Variants in SPTBN5 observed in about 807,000 individuals in gnomAD.
SPTBN5 encodes the protein spectrin beta, non-erythrocytic 5.
A neutral mutation model predicts 477.6 loss-of-function variants in SPTBN5; 513 were observed. The ratio of observed to expected loss-of-function variants is 1.07; its 90% CI spans 1.00 to 1.16. The LOEUF (loss-of-function observed/expected upper bound fraction) is 1.16, where lower values mean the gene tolerates loss of function less well. Ranked by LOEUF, SPTBN5 falls within the 50% of genes most tolerant of loss-of-function variation. The pLI is 0.00. For missense variants in SPTBN5, 5,062 were observed against 4,731.8 expected (o/e 1.07, Z -2.05); for synonymous variants, 2,169 against 2,011.7 (o/e 1.08, Z -2.09).
Position 41,862,620 on chromosome 15 carries a change from G to A in SPTBN5, c.7304C>T (p.Pro2435Leu). 1 of 1,557,406 alleles carries A rather than the reference G, an allele frequency of 6.4e-7. No individual in the cohort carries two copies. Residue 2435 changes from proline to leucine, a missense_variant, in exon 43 of 68, where the codon CCC becomes CTC. Physicochemically the swap from Pro to Leu is moderately conservative, Grantham distance 98. Transcript: ENST00000320955. ...GTGCCTGAGGCCGTGGGCTGCCTCG[G>A]GGCTTCTTTGGCAGAGGCGGCCCAC... ...REVGRLCQRS[P>L]EAAHGLRHRQ...
In SPTBN5 at chr15:41,862,856, C is replaced by A. The variant is rs1208015727; in HGVS notation, c.7197G>T (p.Val2399=). 1.3e-6 allele frequency: 2 copies of A among 1,590,848 alleles called. No homozygotes were observed. Among genetic ancestry groups the A allele is most frequent in the East Asian group, 2.3e-5 (1 of 43,702 alleles). ...ALDCGKDLES[V]QRLLRKHEEL... ...CCTCGTGTTTCCGCAGCAGCCTCTGCACGCTCTCCAGATCTTTCCCACAGT... is the reference window on the plus strand; with the variant it reads ...CCTCGTGTTTCCGCAGCAGCCTCTGAACGCTCTCCAGATCTTTCCCACAGT... The change falls in exon 42 of 68, where the codon GTG becomes GTT. Residue 2399 remains valine (V), a synonymous_variant. Transcript: ENST00000320955.
intron 47 of SPTBN5, among the ~76,000 whole-genome samples, chr15:41,860,097 A>G (rs1167727515): frequency 6.6e-6 from 1 of 152,176 alleles, no homozygotes; most frequent in African/African-American, 2.4e-5. Context: ...AGTTAGATGA[A>G]CTAAGACTTC....
At position 41,858,939 on chromosome 15, in the gene SPTBN5, C is replaced by A. The variant is rs570301480; in HGVS notation, c.8030G>T (p.Arg2677Leu). The A allele has an allele frequency of 1.3e-6, 2 of 1,594,246 alleles. No homozygotes were observed. The highest frequency in any genetic ancestry group is 2.3e-5 in the East Asian group (1 of 44,412). Residue 2677 changes from arginine to leucine, a missense_variant, in exon 48 of 68, where the codon CGC becomes CTC. By Grantham distance (102) the Arg-to-Leu change is moderately radical. Transcript: ENST00000320955. ...LFRQAGTRRHRLEELRQLQAF... is the reference protein window; with the variant it reads ...LFRQAGTRRHLLEELRQLQAF... ...CTGCAGCTGCCGGAGCTCCTCCAGG[C>A]GATGGCGGCGGGTCCCGGCTTGCCT...
chr15:41,854,766 G>C lies in SPTBN5; in HGVS notation c.9618+16C>G. 6.7e-7 allele frequency: 1 copy of C among 1,496,980 alleles called. No homozygotes were observed. The highest frequency in any genetic ancestry group is 8.9e-7 in the Non-Finnish European group (1 of 1,120,636). 92.7% of individuals were successfully genotyped at this position (1,496,980 alleles called of 1,614,324 possible). ...CTCTGACACCCCTTAGCTTGGCCCG[G>C]CCTGTGATCACCTACCTCTGTGCGG... is the stretch of plus-strand genomic sequence containing the variant. On this transcript the variant is annotated intron_variant, in intron 56 of 67. Transcript: ENST00000320955.
Position 41,876,643 on chromosome 15 carries a change from T to C in SPTBN5, c.3856A>G (p.Arg1286Gly). Residue 1286 changes from arginine (R) to glycine (G), a missense_variant, in exon 20 of 68, where the codon AGA becomes GGA. Arg to Gly is a moderately radical substitution (Grantham distance 125). Transcript: ENST00000320955. ...GCCTGGATACTCTGCAGCTGCTCTC[T>C]GACCCTGGAGGGCGGGGGGGGGTTG... ...QSQHPAAHTVREQLQSIQAQW... is the reference protein window; with the variant it reads ...QSQHPAAHTVGEQLQSIQAQW... 2 of 958,748 alleles carry C rather than the reference T, an allele frequency of 2.1e-6. No homozygotes were observed. Among genetic ancestry groups the C allele is most frequent in the Non-Finnish European group, 1.5e-6 (1 of 659,174 alleles). The allele number at this position is 958,748 out of a possible 1,614,324, so 59.4% of individuals were successfully genotyped here. A position where few individuals can be genotyped will look rare whatever the true frequency, so the allele number is the denominator to read the frequency against.
chr15:41,871,415 T>C lies in SPTBN5; in HGVS notation c.5407A>G (p.Ser1803Gly). 2.0e-6 allele frequency: 3 copies of C among 1,537,870 alleles called. No individual in the cohort carries two copies. Among genetic ancestry groups the C allele is most frequent in the Non-Finnish European group, 2.6e-6 (3 of 1,140,804 alleles). The change falls in exon 29 of 68, where the codon AGT becomes GGT. Residue 1803 changes from serine to glycine, a missense_variant. Ser to Gly is a moderately conservative substitution (Grantham distance 56, BLOSUM62 0). Transcript: ENST00000320955. ...CTCTGACGGACCATGGGGCCAGCAC[T>C]GTGCCCACGCTCTAGCAGGCTCTCC... ...LAESLLERGHSAGPMVRQRQQ... is the reference protein window; with the variant it reads ...LAESLLERGHGAGPMVRQRQQ...
Position 41,850,916 on chromosome 15 carries a change from AGGATCTCT to A in SPTBN5, c.10851_10858del (p.Glu3618ValfsTer10). The A allele has an allele frequency of 3.7e-6, 6 of 1,602,236 alleles. No homozygotes were observed. Among genetic ancestry groups the A allele is most frequent in the Non-Finnish European group, 5.1e-6 (6 of 1,175,900 alleles). ...CTGCTCTTCGGACGGTGCTGCAAAC[AGGATCTCT>A]GCCCCACTGGTCAGCCTGGCACCCA... On this transcript the variant is annotated frameshift_variant, in exon 66 of 68. Coordinates refer to ENST00000320955, the MANE Select transcript of SPTBN5 (RefSeq NM_016642.4). LOFTEE classifies it high-confidence loss of function.
At chr15:41,884,075 T>A (rs1436465399) in intron 7 of SPTBN5, among the ~76,000 whole-genome samples, 1 of 152,206 alleles carries the variant, frequency 6.6e-6, no homozygotes, top group African/African-American at 2.4e-5. Flanking sequence ...CAGCTCCGCC[T>A]CCCAGGTTCA....
At position 41,852,633 on chromosome 15, in the gene SPTBN5, C is replaced by T; in HGVS notation, c.10449+1G>A. On this transcript the variant is annotated splice_donor_variant, in intron 61 of 67. Transcript: ENST00000320955. LOFTEE classifies it high-confidence loss of function. ...CAGCCCCTAGCCGAGGCAGTCGTCA[C>T]CTCTGTCTTTTGCATTTGGGCAAAC... The T allele has an allele frequency of 6.2e-7, 1 of 1,613,452 alleles. No homozygotes were observed. Among genetic ancestry groups the T allele is most frequent in the Non-Finnish European group, 8.5e-7 (1 of 1,179,850 alleles).
chr15:41,873,572 C>T lies in SPTBN5; in HGVS notation c.4927G>A (p.Glu1643Lys), dbSNP rs1398437300. 5 of 1,552,276 alleles carry T rather than the reference C, an allele frequency of 3.2e-6. No individual in the cohort carries two copies. Among genetic ancestry groups the T allele is most frequent in the Non-Finnish European group, 4.4e-6 (5 of 1,147,328 alleles). ...CTGCTCACCAGCGGCCGCTTCTCCTCCACCCAGCCCTCCAGCTCTGACACA... is the reference window on the plus strand; with the variant it reads ...CTGCTCACCAGCGGCCGCTTCTCCTTCACCCAGCCCTCCAGCTCTGACACA... ...LDVSELEGWV[E>K]EKRPLVSSRD... is the part of the protein sequence containing the mutation. Residue 1643 changes from glutamate to lysine, a missense_variant, in exon 26 of 68, where the codon GAG (glutamate) becomes AAG (lysine). Glu to Lys is a moderately conservative substitution (Grantham distance 56, BLOSUM62 1). Coordinates refer to ENST00000320955, the MANE Select transcript of SPTBN5 (RefSeq NM_016642.4).
Position 41,853,667 on chromosome 15 carries a change from G to C in SPTBN5, c.9895C>G (p.Leu3299Val), listed in dbSNP as rs574669192. The change falls in exon 58 of 68, where the codon CTG becomes GTG. Residue 3299 changes from leucine to valine, a missense_variant. Coordinates refer to ENST00000320955, the MANE Select transcript of SPTBN5 (RefSeq NM_016642.4). Reference sequence around the variant, plus strand: ...CCTCGCTCCTGGGCCTTCGCCTGCAGGGTGGCCCAGGCCTCCTGCACCTTG... The same window carrying C: ...CCTCGCTCCTGGGCCTTCGCCTGCACGGTGGCCCAGGCCTCCTGCACCTTG... ...LAKVQEAWAT[L>V]QAKAQERGQW... 7 of 1,600,074 alleles carry C rather than the reference G, an allele frequency of 4.4e-6. No homozygotes were observed. In the South Asian group the frequency reaches 7.8e-5, roughly 18 times the overall value.
rs1329033108 is a variant in SPTBN5 at position 41,871,900 on chromosome 15, C to T, written c.5183G>A (p.Gly1728Glu). The change falls in exon 28 of 68, where the codon GGG (glycine) becomes GAG (glutamate). Residue 1728 changes from glycine (G) to glutamate (E), a missense_variant. Physicochemically the swap from Gly to Glu is moderately conservative, Grantham distance 98 (BLOSUM62 -2). Transcript: ENST00000320955. Reference sequence around the variant, plus strand: ...CAGGAACTCATGCAGCCTCAGGGTCCCCTCCAGTTCCCGGTCCCTGTGGTA... The same window carrying T: ...CAGGAACTCATGCAGCCTCAGGGTCTCCTCCAGTTCCCGGTCCCTGTGGTA... ...LAATRDRELE[G>E]TLRLHEFLRE... 1.6e-5 allele frequency: 26 copies of T among 1,580,132 alleles called. No homozygotes were observed. The highest frequency in any genetic ancestry group is 2.2e-5 in the Non-Finnish European group (26 of 1,162,142).
chr15:41,856,327 G>T, intron 53 of SPTBN5, 59 bp downstream of exon 53: 1 of 1,432,122 alleles, frequency 7.0e-7, no homozygotes, highest in Non-Finnish European at 9.3e-7. Context: ...TGACCTCCCA[G>T]CCGCACTCGC....
intron 62 of SPTBN5, 107 bp downstream of exon 62, chr15:41,852,075 C>A: frequency 2.1e-6 from 3 of 1,408,454 alleles, no homozygotes; most frequent in Non-Finnish European, 2.9e-6. Flanking sequence ...GCCCGGGCTC[C>A]CAGCACTGGC....
In SPTBN5 at chr15:41,887,412, C is replaced by T. The variant is rs141541070; in HGVS notation, c.689G>A (p.Arg230His). ...RPDLLDYGSL[R>H]PDRPLHNLAF... Reference sequence around the variant, plus strand: ...AAGGTTGTGCAGTGGGCGGTCTGGACGCAGGGAGCCGTAGTCCAACAGGTC... The same window carrying T: ...AAGGTTGTGCAGTGGGCGGTCTGGATGCAGGGAGCCGTAGTCCAACAGGTC... The change falls in exon 6 of 68, where the codon CGT becomes CAT. Residue 230 changes from arginine to histidine, a missense_variant. Arg to His is a conservative substitution (Grantham distance 29). Transcript: ENST00000320955. 9.2e-4 allele frequency: 1,431 copies of T among 1,553,136 alleles called. 1 individual carries two copies. Among genetic ancestry groups the T allele is most frequent in the South Asian group, 1.5e-3 (123 of 84,128 alleles).
intron 16 of SPTBN5, among the ~76,000 whole-genome samples, chr15:41,878,833 C>T (rs962789368): frequency 1.6e-4 from 24 of 152,196 alleles, no homozygotes; most frequent in Non-Finnish European, 2.2e-4. Context: ...TTTGGGAGGC[C>T]GAGGCAGGCA....
chr15:41,878,295 C>A (rs769997451), intron 17 of SPTBN5, 47 bp downstream of exon 17: 302 of 1,592,964 alleles, frequency 1.9e-4, no homozygotes, highest in Non-Finnish European at 2.4e-4. Flanking sequence ...GAGCCCAGAG[C>A]CCTGGTCCCA....
In SPTBN5 at chr15:41,866,089, GAA is replaced by G; in HGVS notation, c.6769_6770del (p.Phe2257ProfsTer25). On this transcript the variant is annotated frameshift_variant, in exon 38 of 68. Coordinates refer to ENST00000320955, the MANE Select transcript of SPTBN5 (RefSeq NM_016642.4). LOFTEE classifies it high-confidence loss of function. ...GGTCCACTCTCTGCAGGAACTCCAG[GAA>G]GTTCCGCCTGTCCTCCAGCTCCTGG... ...RGQELEDRRN[F>X]LEFLQRVDLA... The G allele has an allele frequency of 6.4e-7, 1 of 1,557,236 alleles. No homozygotes were observed. The highest frequency in any genetic ancestry group is 1.2e-5 in the South Asian group (1 of 84,414).
chr15:41,864,117 G>C (rs565724633), intron 39 of SPTBN5, 93 bp from the exon 40 acceptor site: 1 of 1,115,152 alleles, frequency 9.0e-7, no homozygotes, highest in Admixed American at 2.1e-5. Flanking sequence ...CCTGGGCCCC[G>C]GAGCATGAGG....
Sources: allele counts gnomAD v4.1 joint callset (sites outside exome capture counted in the v4.1 genomes callset), GRCh38; gene constraint gnomAD v4.1.1; transcripts MANE v1.5; gene names NCBI Gene and HGNC (gene_info 2026-07-23, HGNC 2026-07-21).